The following MAG variants were observed in gnomAD, a reference collection of about 807,000 sequenced individuals.
MAG encodes the protein myelin associated glycoprotein, also known as myelin-associated glycoprotein.
A neutral mutation model predicts 60.7 loss-of-function variants in MAG; 30 were observed. The observed-to-expected ratio is 0.49, with a 90% CI of 0.37 to 0.67. MAG has a LOEUF of 0.67. Among genes scored for constraint, MAG ranks in the 30% least tolerant of loss-of-function variants. The pLI is 0.00. For synonymous variants in MAG, 384 were observed against 376.8 expected, an observed-to-expected ratio of 1.02 and a Z score of -0.22; for missense variants, 795 against 851.7, an observed-to-expected ratio of 0.93 and a Z score of 0.83.
intron 1 of MAG, among the ~76,000 whole-genome samples, chr19:35,292,547 A>G (rs1365863154): frequency 6.6e-6 from 1 of 151,898 alleles, no homozygotes; most frequent in East Asian, 1.9e-4. Context: ...GAATGGAAGG[A>G]TGTCCAGGTG....
chr19:35,293,522 T>C lies in MAG; in HGVS notation c.-79-713T>C, dbSNP rs537340328. The stretch of plus-strand genomic sequence containing the variant: ...CATCTGTCACATTTCATCCCCGCGA[T>C]TGGATGTGTCTGTGCATGTGTCTCT... On this transcript the variant is annotated intron_variant, in intron 1 of 10. Transcript: ENST00000392213. This position sits in a 1 kb window ranked among gnomAD's most constrained non-coding sequence, Gnocchi z 4.0. Among the ~76,000 whole-genome samples, 7 of 152,094 alleles carry C rather than the reference T, an allele frequency of 4.6e-5. No homozygotes were observed. The South Asian group carries it at 1.0e-3, about 23-fold the overall frequency.
chr19:35,292,332 C>A (rs1300960676), intron 1 of MAG, 128 bp downstream of exon 1: 2 of 440,036 alleles, frequency 4.5e-6, no homozygotes, highest in Non-Finnish European at 9.3e-6. Context: ...ATTTAGGATG[C>A]AGGAGTGTGT....
At chr19:35,311,538 C>T (rs1568477246) in intron 9 of MAG, among the ~76,000 whole-genome samples, 6 of 152,208 alleles carry the variant, frequency 3.9e-5, no homozygotes, top group Admixed American at 2.6e-4. Context: ...TGGCCCAACT[C>T]AGCTGCAGCC....
intron 7 of MAG, 33 bp from the exon 8 acceptor site, chr19:35,309,834 TGGCTCCG>T: frequency 6.3e-7 from 1 of 1,585,556 alleles, no homozygotes; most frequent in Non-Finnish European, 8.6e-7. Context: ...GGCCTCGCGT[TGGCTCCG>T]GGCCACCCTC....
At position 35,300,140 on chromosome 19, in the gene MAG, G is replaced by T; in HGVS notation, c.713-7G>T. The T allele has an allele frequency of 2.0e-6, 3 of 1,524,156 alleles. No individual in the cohort carries two copies. The highest frequency in any genetic ancestry group is 2.6e-6 in the Non-Finnish European group (3 of 1,133,282). 94.4% of individuals were successfully genotyped at this position (1,524,156 alleles called of 1,614,324 possible). On this transcript the variant is annotated splice_polypyrimidine_tract_variant and splice_region_variant and intron_variant, in intron 5 of 10. Transcript: ENST00000392213. ...GCTCACTAACCTCGCTGTGTCGCGG[G>T]CCTTAGACCCCCCGGTGATTGTGGA...
At chr19:35,304,729 G>A (rs892816851) in intron 7 of MAG, among the ~76,000 whole-genome samples, 4 of 151,956 alleles carry the variant, frequency 2.6e-5, no homozygotes, top group African/African-American at 4.8e-5. Flanking sequence ...TAGTAGAGAC[G>A]GGGTTTCTCC....
At position 35,295,313 on chromosome 19, in the gene MAG, C is replaced by A; in HGVS notation, c.-23-73C>A. 8.5e-7 allele frequency: 1 copy of A among 1,182,408 alleles called. No homozygotes were observed. The highest frequency in any genetic ancestry group is 1.3e-5 in the South Asian group (1 of 77,292). 73.2% of individuals were successfully genotyped at this position (1,182,408 alleles called of 1,614,324 possible). A position where few individuals can be genotyped will look rare whatever the true frequency, so the allele number is the denominator to read the frequency against. ...AGCAGCAGCTAACATATGAATGGGC[C>A]CCTTCCTGAAGCCCAGATGGAACAC... is the stretch of plus-strand genomic sequence containing the variant. On this transcript the variant is annotated intron_variant, in intron 2 of 10. Coordinates refer to ENST00000392213, the MANE Select transcript of MAG (RefSeq NM_002361.4). The surrounding 1 kb of genome is among the most constrained non-coding windows in gnomAD (Gnocchi z 5.8).
At chr19:35,310,295 G>C (rs1035044169) in intron 8 of MAG, 134 bp downstream of exon 8, 10 of 1,259,240 alleles carry the variant, frequency 7.9e-6, no homozygotes, top group Non-Finnish European at 1.1e-5. Context: ...CTCCCTTTCC[G>C]GTTGGAGAGG....
At position 35,311,899 on chromosome 19, in the gene MAG, G is replaced by C; in HGVS notation, c.1617-19G>C. On this transcript the variant is annotated intron_variant, in intron 9 of 10. Transcript: ENST00000392213. Reference sequence around the variant, plus strand: ...AGAAAGGGAGGGCAGAGAGAGGTCTGACGAGTCCTGCCCTGCAGAAAGAAC... The same window carrying C: ...AGAAAGGGAGGGCAGAGAGAGGTCTCACGAGTCCTGCCCTGCAGAAAGAAC... 1.3e-6 allele frequency: 2 copies of C among 1,583,952 alleles called. No homozygotes were observed. The highest frequency in any genetic ancestry group is 1.7e-6 in the Non-Finnish European group (2 of 1,156,098).
intron 7 of MAG, among the ~76,000 whole-genome samples, chr19:35,307,314 C>T (rs1366310049): frequency 7.9e-5 from 12 of 152,158 alleles, no homozygotes; most frequent in Admixed American, 7.2e-4. Context: ...GGTCCACCAC[C>T]GTTACCGGCA....
At position 35,295,609 on chromosome 19, in the gene MAG, G is replaced by C; in HGVS notation, c.47-4G>C. 1 of 1,598,708 alleles carries C rather than the reference G, an allele frequency of 6.3e-7. No homozygotes were observed. The highest frequency in any genetic ancestry group is 1.3e-5 in the African/African-American group (1 of 74,912). ...TGAGCCTCAGCTCTCCTGCTTGCCC[G>C]CAGCCTCCCGAGGGGGTCACTGGGG... On this transcript the variant is annotated splice_region_variant and splice_polypyrimidine_tract_variant and intron_variant, in intron 3 of 10. Coordinates refer to ENST00000392213, the MANE Select transcript of MAG (RefSeq NM_002361.4). This position sits in a 1 kb window ranked among gnomAD's most constrained non-coding sequence, Gnocchi z 5.8.
rs1265330595 is a variant in MAG, at chr19:35,307,702, C to CAAT, written c.1232-2156_1232-2154dup. Among the ~76,000 whole-genome samples the CAAT allele has an allele frequency of 6.6e-5, 10 of 151,954 alleles. No individual in the cohort carries two copies. The East Asian group carries it at 7.7e-4, about 12-fold the overall frequency. On this transcript the variant is annotated intron_variant, in intron 7 of 10. Transcript: ENST00000392213. ...TCCGTCTCAAAAATCATAGTAATAA[C>CAAT]AATAATAATAATAATAATTTCCTGT...
chr19:35,300,297 T>C lies in MAG; in HGVS notation c.863T>C (p.Leu288Pro). ...CTCCGGGAGGCGGTGGCCGAGAGCC[T>C]GCTCCTGGAGCTGGAGGAGGTGACC... ...TVLREAVAES[L>P]LLELEEVTPA... The change falls in exon 6 of 11, where the codon CTG becomes CCG. Residue 288 changes from leucine (L) to proline (P), a missense_variant. Physicochemically the swap from Leu to Pro is moderately conservative, Grantham distance 98. Coordinates refer to ENST00000392213, the MANE Select transcript of MAG (RefSeq NM_002361.4). 6.3e-7 allele frequency: 1 copy of C among 1,599,772 alleles called. No homozygotes were observed. The highest frequency in any genetic ancestry group is 8.5e-7 in the Non-Finnish European group (1 of 1,179,278).
At position 35,302,768 on chromosome 19, in the gene MAG, T is replaced by C. The variant is rs1410628747; in HGVS notation, c.1231+60T>C. On this transcript the variant is annotated intron_variant, in intron 7 of 10. Transcript: ENST00000392213. ...ACGGTTCCGTGGGGGACACCAGGGT[T>C]ACTGTGGGTGCCCACGCATCCCAAT... 8.2e-6 allele frequency: 13 copies of C among 1,583,610 alleles called. No individual in the cohort carries two copies. In the East Asian group the frequency reaches 2.7e-4, roughly 33 times the overall value.
chr19:35,302,192 A>G (rs1161397363), intron 6 of MAG, among the ~76,000 whole-genome samples: 1 of 152,218 alleles, frequency 6.6e-6, no homozygotes, highest in Non-Finnish European at 1.5e-5. Context: ...CAGATGAGAA[A>G]AATGAGGCCC....
At position 35,302,263 on chromosome 19, in the gene MAG, C is replaced by T. The variant is rs35760221; in HGVS notation, c.971-185C>T. Among the ~76,000 whole-genome samples, 18,680 of 152,122 alleles carry T rather than the reference C, an allele frequency of 0.12. 1,277 individuals are homozygous for T. Among genetic ancestry groups the T allele is most frequent in the Middle Eastern group, 0.23 (68 of 294 alleles). ...CAGGGGTAGAGTAGGGATCTGAAGACAAGCATGCTGGCTACCAAGCTGCTG... is the reference window on the plus strand; with the variant it reads ...CAGGGGTAGAGTAGGGATCTGAAGATAAGCATGCTGGCTACCAAGCTGCTG... On this transcript the variant is annotated intron_variant, in intron 6 of 10. Coordinates refer to ENST00000392213, the MANE Select transcript of MAG (RefSeq NM_002361.4).
chr19:35,310,223 C>T, intron 8 of MAG, 62 bp downstream of exon 8: 1 of 1,534,942 alleles, frequency 6.5e-7, no homozygotes, highest in Non-Finnish European at 8.8e-7. Flanking sequence ...TAGATCCAAG[C>T]TCCCAAGGCT....
At chr19:35,303,765 C>A (rs1373075014) in intron 7 of MAG, among the ~76,000 whole-genome samples, 2 of 152,148 alleles carry the variant, frequency 1.3e-5, no homozygotes, top group African/African-American at 4.8e-5. Context: ...CGCCTCTCAT[C>A]TCCTCACTAT....
In MAG at chr19:35,293,607, A is replaced by C. The variant is rs376633979; in HGVS notation, c.-79-628A>C. 9.2e-5 allele frequency among the ~76,000 whole-genome samples: 14 copies of C among 152,202 alleles called. 1 individual carries two copies. In the South Asian group the frequency reaches 2.9e-3, roughly 32 times the overall value. On this transcript the variant is annotated intron_variant, in intron 1 of 10. Transcript: ENST00000392213. This position sits in a 1 kb window ranked among gnomAD's most constrained non-coding sequence, Gnocchi z 4.0. ...GCAATTGCTTGGAAACCCTGGCTGC[A>C]ACCCCAAGGCAACCCATGGAGCAGC...
Sources: gnomAD v4.1 joint callset for allele counts (sites outside exome capture counted in the v4.1 genomes callset) on GRCh38, gnomAD v4.1.1 for gene constraint, Gnocchi (gnomAD v3.1) non-coding constraint, MANE v1.5 for transcripts, NCBI Gene and HGNC (gene_info 2026-07-23, HGNC 2026-07-21) for gene names.